Variants in COL28A1 observed in about 807,000 individuals in gnomAD.
COL28A1 encodes collagen alpha-1(XXVIII) chain.
In COL28A1, 161 loss-of-function variants were observed where a neutral mutation model predicts 150.2. That is an observed-to-expected ratio of 1.07 (90% CI 0.94 to 1.22). The LOEUF is 1.22. Ranked by LOEUF, COL28A1 falls within the 50% of genes most tolerant of loss-of-function variation. COL28A1 has a pLI of 0.00. For missense variants in COL28A1, 1,617 were observed against 1,388.3 expected (o/e 1.16, Z -2.62); for synonymous variants, 552 against 469.7 (o/e 1.18, Z -2.26).
chr7:7,543,575 A>G, the COL28A1 span, among the ~76,000 whole-genome samples: 1 of 152,182 alleles, frequency 6.6e-6, no homozygotes, highest in African/African-American at 2.4e-5. Context: ...ATGTGACATC[A>G]CTGAACACAG....
chr7:7,393,181 T>C (rs1031118713), intron 27 of COL28A1, among the ~76,000 whole-genome samples: 3 of 152,216 alleles, frequency 2.0e-5, no homozygotes, highest in African/African-American at 7.2e-5. Flanking sequence ...TGCTATTACT[T>C]TCTGTTTGTT....
At chr7:7,370,565 A>C (rs889108328) in intron 33 of COL28A1, among the ~76,000 whole-genome samples, 160 bp downstream of exon 33, 8 of 152,212 alleles carry the variant, frequency 5.3e-5, no homozygotes, top group African/African-American at 1.7e-4. Flanking sequence ...CTATTTCAGA[A>C]CTGGAAATCT....
the COL28A1 span, among the ~76,000 whole-genome samples, chr7:7,350,072 TA>T: frequency 1.3e-5 from 2 of 152,096 alleles, no homozygotes; most frequent in Admixed American, 1.3e-4. Context: ...GGAGGGCCCT[TA>T]ACGCATTTGA....
At chr7:7,415,687 CCAT>C (rs2128306120) in intron 27 of COL28A1, among the ~76,000 whole-genome samples, 1 of 152,240 alleles carries the variant, frequency 6.6e-6, no homozygotes, top group South Asian at 2.1e-4. Context: ...GTACGCACCA[CCAT>C]GCCTGGCTAA....
chr7:7,408,587 A>G (rs1212309354), intron 27 of COL28A1, among the ~76,000 whole-genome samples: 1 of 152,172 alleles, frequency 6.6e-6, no homozygotes, highest in Admixed American at 6.5e-5. Context: ...AAGTCTTTGA[A>G]TGTATGAGAA....
chr7:7,439,711 C>T lies in COL28A1; in HGVS notation c.1722+1079G>A, dbSNP rs1785614227. Among the ~76,000 whole-genome samples the T allele has an allele frequency of 2.6e-5, 4 of 152,174 alleles. 1 individual carries two copies. In the South Asian group the frequency reaches 8.3e-4, roughly 32 times the overall value. On this transcript the variant is annotated intron_variant, in intron 21 of 34. Coordinates refer to ENST00000399429, the MANE Select transcript of COL28A1 (RefSeq NM_001037763.3). ...TAATACTAATACAACACATCTGTTA[C>T]ATAGTGGCACTTCTCATAATGTGCT...
chr7:7,425,977 A>G (rs1323962188), intron 25 of COL28A1, among the ~76,000 whole-genome samples: 1 of 152,126 alleles, frequency 6.6e-6, no homozygotes, highest in Non-Finnish European at 1.5e-5. Context: ...CCCACACACT[A>G]ATGAGGCTTT....
At chr7:7,377,523 A>AGG (rs1781621937) in intron 30 of COL28A1, among the ~76,000 whole-genome samples, 1 of 152,182 alleles carries the variant, frequency 6.6e-6, no homozygotes. Context: ...GGGACAGGGA[A>AGG]GGGGAGCGTT....
chr7:7,428,884 CAGA>C, intron 25 of COL28A1, among the ~76,000 whole-genome samples: 1 of 152,214 alleles, frequency 6.6e-6, no homozygotes, highest in African/African-American at 2.4e-5. Flanking sequence ...TAATTGTATC[CAGA>C]AGGACAATAA....
chr7:7,460,541 G>A (rs1377657063), intron 15 of COL28A1, among the ~76,000 whole-genome samples: 2 of 152,010 alleles, frequency 1.3e-5, no homozygotes, highest in Non-Finnish European at 2.9e-5. Flanking sequence ...CTGCCACCAC[G>A]CCCGGCTAAT....
intron 3 of COL28A1, among the ~76,000 whole-genome samples, chr7:7,524,993 C>A (rs7810389): frequency 6.6e-6 from 1 of 152,082 alleles, no homozygotes; most frequent in African/African-American, 2.4e-5. Flanking sequence ...CTGTTCATAG[C>A]AATATGCATT....
At chr7:7,409,411 G>A (rs1160020128) in intron 27 of COL28A1, among the ~76,000 whole-genome samples, 1 of 151,968 alleles carries the variant, frequency 6.6e-6, no homozygotes, top group African/African-American at 2.4e-5. Context: ...ATATGAGTAG[G>A]TGGGTAGGAG....
At chr7:7,490,736 G>A (rs1779871959) in intron 11 of COL28A1, 90 bp from the exon 12 acceptor site, 9 of 637,410 alleles carry the variant, frequency 1.4e-5, no homozygotes, top group Non-Finnish European at 2.5e-5. Context: ...TTTGCAATAG[G>A]GGCTTTCAGA....
chr7:7,420,149 A>T (rs557108137), intron 25 of COL28A1, 196 bp from the exon 26 acceptor site: 1 of 375,082 alleles, frequency 2.7e-6, no homozygotes, highest in Non-Finnish European at 4.7e-6. Flanking sequence ...AAATTAATCA[A>T]GTCAATTAAC....
Position 7,361,793 on chromosome 7 carries a change from C to G in COL28A1, c.3067-1265G>C, listed in dbSNP as rs189707489. On this transcript the variant is annotated intron_variant, in intron 33 of 34. Transcript: ENST00000399429. ...GACTTGAACCAACCCAAATGCTCAT[C>G]AATGATAGACTGGATAAAGAAAATG... Among the ~76,000 whole-genome samples, 437 of 151,524 alleles carry G rather than the reference C, an allele frequency of 2.9e-3. 4 individuals are homozygous for G. Among genetic ancestry groups the G allele is most frequent in the African/African-American group, 9.9e-3 (410 of 41,324 alleles).
chr7:7,435,724 G>A (rs1282822690), intron 23 of COL28A1, among the ~76,000 whole-genome samples: 1 of 152,132 alleles, frequency 6.6e-6, no homozygotes, highest in African/African-American at 2.4e-5. Flanking sequence ...CTTTTATCTA[G>A]ATAAGACAAC....
intron 21 of COL28A1, 111 bp from the exon 22 acceptor site, chr7:7,437,573 C>G (rs117471591): frequency 1.2e-5 from 17 of 1,388,496 alleles, no homozygotes; most frequent in Non-Finnish European, 1.4e-5. Context: ...GTTATGACCT[C>G]TATCTGTTTC....
intron 27 of COL28A1, among the ~76,000 whole-genome samples, chr7:7,402,066 G>A (rs990194536): frequency 5.9e-5 from 9 of 152,202 alleles, no homozygotes; most frequent in Non-Finnish European, 5.9e-5. Context: ...AAGCAAAAGC[G>A]TGTAGTGACG....
At chr7:7,456,150 T>C (rs369456323) in intron 15 of COL28A1, 38 bp from the exon 16 acceptor site, 189 of 1,597,370 alleles carry the variant, frequency 1.2e-4, no homozygotes, top group Non-Finnish European at 1.5e-4. Context: ...AACAATAAAA[T>C]AAAATCTTAT....
Sources: gnomAD v4.1 joint callset for allele counts (sites outside exome capture counted in the v4.1 genomes callset) on GRCh38, gnomAD v4.1.1 for gene constraint, MANE v1.5 for transcripts, NCBI Gene and HGNC (gene_info 2026-07-23, HGNC 2026-07-21) for gene names.